Variants in SNX13 observed in about 807,000 individuals in gnomAD.
SNX13 encodes sorting nexin-13.
SNX13 carries 45 observed loss-of-function variants against 133.6 expected under a neutral mutation model. The ratio of observed to expected loss-of-function variants is 0.34; its 90% confidence interval spans 0.27 to 0.43. The LOEUF (loss-of-function observed/expected upper bound fraction) is 0.43. Among genes scored for constraint, SNX13 ranks in the 20% least tolerant of loss-of-function variants. The probability of loss-of-function intolerance (pLI) is 1.00; values close to 1 mark genes in which losing one functional copy is unlikely to be tolerated. For missense variants in SNX13, 1,032 were observed against 1,145.1 expected, an observed-to-expected ratio of 0.90 and a Z score of 1.43; for synonymous variants, 414 against 373.9, an observed-to-expected ratio of 1.11 and a Z score of -1.24.
At chr7:17,902,159 C>T (rs908024360) in intron 1 of SNX13, among the ~76,000 whole-genome samples, 3 of 150,698 alleles carry the variant, frequency 2.0e-5, no homozygotes, top group African/African-American at 7.3e-5. Flanking sequence ...AAGTCCTATT[C>T]ATTCATTCAA....
intron 9 of SNX13, 147 bp from the exon 10 acceptor site, chr7:17,851,111 C>A: frequency 1.4e-6 from 1 of 737,848 alleles, no homozygotes; most frequent in Non-Finnish European, 2.2e-6. Context: ...ATTTGGGCAC[C>A]TATTTTCCAA....
At position 17,794,257 on chromosome 7, in the gene SNX13, G is replaced by A. The variant is rs775823282; in HGVS notation, c.2662C>T (p.Arg888Trp). ...TCAAAAACACGAAGAATACCTTTCCGTGTTGTCTCAGCCCCAATAATGTGC... is the reference window on the plus strand; with the variant it reads ...TCAAAAACACGAAGAATACCTTTCCATGTTGTCTCAGCCCCAATAATGTGC... The part of the protein sequence containing the change: ...LKHIIGAETT[R>W]KGILRVFEMF... The change falls in exon 26 of 26, where the codon CGG (arginine) becomes TGG (tryptophan). Residue 888 changes from arginine (R) to tryptophan (W), a missense_variant. Physicochemically the swap from Arg to Trp is moderately radical, Grantham distance 101 (BLOSUM62 -3). Transcript: ENST00000428135. 23 of 1,611,264 alleles carry A rather than the reference G, an allele frequency of 1.4e-5. No individual in the cohort carries two copies. Among genetic ancestry groups the A allele is most frequent in the Admixed American group, 1.2e-4 (7 of 59,720 alleles).
In SNX13 at chr7:17,845,789, G is replaced by A. The variant is rs548798145; in HGVS notation, c.1066-95C>T. 34 of 792,758 alleles carry A rather than the reference G, an allele frequency of 4.3e-5. No homozygotes were observed. The Middle Eastern group carries it at 1.1e-3, about 26-fold the overall frequency. 49.1% of individuals were successfully genotyped at this position (792,758 alleles called of 1,614,324 possible). On this transcript the variant is annotated intron_variant, in intron 11 of 25. Coordinates refer to ENST00000428135, the MANE Select transcript of SNX13 (RefSeq NM_015132.5). ...ATAAGGAAAAAAATCAAGCTAAAAC[G>A]GAGTAAAGATGAAGTTTTTCCCTTC... is the stretch of plus-strand genomic sequence containing the variant.
chr7:17,894,938 C>A (rs1298031913), intron 2 of SNX13, among the ~76,000 whole-genome samples: 1 of 152,094 alleles, frequency 6.6e-6, no homozygotes, highest in East Asian at 1.9e-4. Context: ...CAGTTTAAGT[C>A]ATTAATTCTG....
At chr7:17,906,302 A>G (rs1282004986) in intron 1 of SNX13, among the ~76,000 whole-genome samples, 1 of 152,202 alleles carries the variant, frequency 6.6e-6, no homozygotes, top group Admixed American at 6.5e-5. Context: ...AACTATTTCC[A>G]CATGATATTA....
intron 22 of SNX13, among the ~76,000 whole-genome samples, chr7:17,799,591 T>A (rs1222093838): frequency 2.0e-5 from 3 of 151,832 alleles, no homozygotes; most frequent in African/African-American, 7.2e-5. Flanking sequence ...CAGAATAATG[T>A]ATTTTGCTTA....
chr7:17,881,549 T>A (rs1364540142), intron 5 of SNX13: 1 of 152,180 alleles, frequency 6.6e-6, no homozygotes, highest in Admixed American at 6.5e-5. Context: ...CAAGTAACTT[T>A]GAGTAGATTT....
chr7:17,816,051 G>A, intron 19 of SNX13, 131 bp downstream of exon 19: 1 of 923,288 alleles, frequency 1.1e-6, no homozygotes, highest in South Asian at 2.0e-5. Context: ...CATTTGACAT[G>A]CTGCACAAAA....
rs1784851934 is a variant in SNX13, at chr7:17,803,412, T to C, written c.2226+7A>G. On this transcript the variant is annotated splice_region_variant and intron_variant, in intron 21 of 25. Coordinates refer to ENST00000428135, the MANE Select transcript of SNX13 (RefSeq NM_015132.5). ...TGCTTTAGACATTACTGAAAATGTC[T>C]TCTTACCTTAAAAAATGATTGCTTT... The C allele has an allele frequency of 6.3e-7, 1 of 1,599,788 alleles. No homozygotes were observed. The highest frequency in any genetic ancestry group is 1.7e-5 in the Admixed American group (1 of 57,548).
intron 13 of SNX13, among the ~76,000 whole-genome samples, chr7:17,838,099 A>T (rs143903046): frequency 2.0e-3 from 298 of 152,010 alleles, no homozygotes; most frequent in African/African-American, 6.9e-3. Flanking sequence ...CTTGTCCTAT[A>T]CTTAAAAAAA....
intron 1 of SNX13, among the ~76,000 whole-genome samples, chr7:17,937,036 A>G (rs1291977417): frequency 6.7e-6 from 1 of 149,732 alleles, no homozygotes; most frequent in Non-Finnish European, 1.5e-5. Context: ...AAAAAAAACT[A>G]GCTAGACGTT....
chr7:17,894,977 A>C (rs1797049906), intron 2 of SNX13, among the ~76,000 whole-genome samples: 1 of 152,212 alleles, frequency 6.6e-6, no homozygotes, highest in African/African-American at 2.4e-5. Context: ...GGCTGGTCTC[A>C]GAATTACTGC....
chr7:17,867,275 C>A (rs533220032), intron 9 of SNX13, among the ~76,000 whole-genome samples: 30 of 152,252 alleles, frequency 2.0e-4, no homozygotes, highest in South Asian at 4.1e-4. Context: ...GCAGGTACTA[C>A]AATCTGGTCG....
intron 8 of SNX13, among the ~76,000 whole-genome samples, chr7:17,869,850 T>C (rs559479265): frequency 6.7e-6 from 1 of 149,446 alleles, no homozygotes; most frequent in Non-Finnish European, 1.5e-5. Flanking sequence ...ATGCACTTTG[T>C]TAGGAGAAAA....
intron 15 of SNX13, chr7:17,830,279 CA>C (rs1788343289): frequency 1.0e-6 from 1 of 983,384 alleles, no homozygotes; most frequent in Non-Finnish European, 1.2e-6. Flanking sequence ...GATAGCTGGC[CA>C]AAAATCAAAA....
chr7:17,915,892 C>A (rs937806003), intron 1 of SNX13, among the ~76,000 whole-genome samples: 1 of 152,156 alleles, frequency 6.6e-6, no homozygotes, highest in Admixed American at 6.6e-5. Flanking sequence ...CTAAGACTGT[C>A]CACATTGCTC....
At position 17,882,826 on chromosome 7, in the gene SNX13, T is replaced by G. The variant is rs1279943496; in HGVS notation, c.441-7036A>C. 5 of 1,269,566 alleles carry G rather than the reference T, an allele frequency of 3.9e-6. No homozygotes were observed. In the Admixed American group the frequency reaches 1.1e-4, roughly 27 times the overall value. 78.6% of individuals were successfully genotyped at this position (1,269,566 alleles called of 1,614,324 possible). A position where few individuals can be genotyped will look rare whatever the true frequency, so the allele number is the denominator to read the frequency against. ...TCAGAGCCAGAATTTAAATTACATA[T>G]TCTAGGAGACACAGTGAGACCAAGG... On this transcript the variant is annotated intron_variant, in intron 5 of 25. Transcript: ENST00000428135.
chr7:17,801,009 C>CAT lies in SNX13; in HGVS notation c.2298+577_2298+578dup, dbSNP rs71010273. 4.8e-3 allele frequency among the ~76,000 whole-genome samples: 572 copies of CAT among 119,400 alleles called. 12 individuals are homozygous for CAT. Among genetic ancestry groups the CAT allele is most frequent in the Non-Finnish European group, 8.1e-3 (431 of 52,994 alleles). 78.3% of individuals were successfully genotyped at this position (119,400 alleles called of 152,430 possible). ...CTTGGCAGTATCTACTAAAACTGAA[C>CAT]ATATATATATATATATATATATATA... is the stretch of plus-strand genomic sequence containing the variant. On this transcript the variant is annotated intron_variant, in intron 22 of 25. Transcript: ENST00000428135.
chr7:17,823,237 T>C (rs1452933467), intron 17 of SNX13, among the ~76,000 whole-genome samples: 1 of 152,126 alleles, frequency 6.6e-6, no homozygotes, highest in Non-Finnish European at 1.5e-5. Context: ...GCTATACTTA[T>C]AATATTGTTT....
Sources: allele counts gnomAD v4.1 joint callset (sites outside exome capture counted in the v4.1 genomes callset), GRCh38; gene constraint gnomAD v4.1.1; transcripts MANE v1.5; gene names NCBI Gene and HGNC (gene_info 2026-07-23, HGNC 2026-07-21).